The following DCC variants were observed in gnomAD, a reference collection of about 807,000 sequenced individuals.
The protein encoded by DCC is netrin receptor DCC.
A neutral mutation model predicts 172.5 loss-of-function variants in DCC; 58 were observed. The ratio of observed to expected loss-of-function variants is 0.34; its 90% CI spans 0.27 to 0.42. DCC has a LOEUF of 0.42. Among genes scored for constraint, DCC ranks in the 10% least tolerant of loss-of-function variants. The pLI is 1.00. For synonymous variants in DCC, 709 were observed against 644.5 expected, an observed-to-expected ratio of 1.10 and a Z score of -1.52; for missense variants, 1,740 against 1,791.0, an observed-to-expected ratio of 0.97 and a Z score of 0.51.
In DCC at chr18:53,300,425, TG is replaced by T. The variant is rs926819334; in HGVS notation, c.1912-5151del. 9.8e-5 allele frequency among the ~76,000 whole-genome samples: 15 copies of T among 152,300 alleles called. No homozygotes were observed. The South Asian group carries it at 2.7e-3, about 27-fold the overall frequency. On this transcript the variant is annotated intron_variant, in intron 12 of 28. Coordinates refer to ENST00000442544, the MANE Select transcript of DCC (RefSeq NM_005215.4). ...CATGTTTTTTGTATTTCTGTGCTTTTGGTTGGTGATTTTTCTGTTTAAAATG... is the reference window on the plus strand; with the variant it reads ...CATGTTTTTTGTATTTCTGTGCTTTTGTTGGTGATTTTTCTGTTTAAAATG...
intron 13 of DCC, 97 bp from the exon 14 acceptor site, chr18:53,321,950 C>T (rs2057416122): frequency 1.3e-6 from 1 of 777,952 alleles, no homozygotes; most frequent in Non-Finnish European, 2.4e-6. Context: ...AAAGCATGTC[C>T]ACTATTGTTA....
intron 11 of DCC, among the ~76,000 whole-genome samples, chr18:53,214,434 T>C (rs567839469): frequency 2.0e-5 from 3 of 152,302 alleles, no homozygotes; most frequent in African/African-American, 7.2e-5. Context: ...GTCTTCATGA[T>C]AATTACTATT....
chr18:52,779,170 T>TA (rs2037487102), intron 2 of DCC, among the ~76,000 whole-genome samples: 2 of 152,180 alleles, frequency 1.3e-5, no homozygotes, highest in South Asian at 2.1e-4. Flanking sequence ...TCTTTTTTTT[T>TA]ATACTTTAAG....
intron 1 of DCC, among the ~76,000 whole-genome samples, chr18:52,382,562 G>T (rs1381051427): frequency 6.6e-6 from 1 of 152,124 alleles, no homozygotes; most frequent in South Asian, 2.1e-4. Context: ...AAGTATTTGG[G>T]CTAGAAAGTT....
intron 22 of DCC, among the ~76,000 whole-genome samples, chr18:53,448,244 A>G (rs1912755834): frequency 1.3e-5 from 2 of 152,272 alleles, no homozygotes; most frequent in South Asian, 4.1e-4. Flanking sequence ...TGGGTAATTT[A>G]TAAAGGAAAG....
At chr18:52,710,942 G>A (rs1264967047) in intron 1 of DCC, among the ~76,000 whole-genome samples, 2 of 152,170 alleles carry the variant, frequency 1.3e-5, no homozygotes, top group Non-Finnish European at 2.9e-5. Flanking sequence ...GATGCTGACT[G>A]GGAATTAAGG....
chr18:53,435,121 T>G, intron 21 of DCC, 23 bp from the exon 22 acceptor site: 1 of 1,563,564 alleles, frequency 6.4e-7, no homozygotes, highest in Non-Finnish European at 8.8e-7. Flanking sequence ...ACTGACATTG[T>G]GACATGCTCT....
intron 2 of DCC, among the ~76,000 whole-genome samples, chr18:52,804,229 A>T (rs934343366): frequency 1.4e-4 from 18 of 130,294 alleles, no homozygotes; most frequent in African/African-American, 4.6e-4. Context: ...TACATTCTTC[A>T]TCTTATTTAG....
At chr18:52,741,799 A>T (rs1038078532) in intron 1 of DCC, among the ~76,000 whole-genome samples, 1 of 152,012 alleles carries the variant, frequency 6.6e-6, no homozygotes, top group African/African-American at 2.4e-5. Context: ...TGGGTGCCTT[A>T]GCATCCTCTG....
intron 1 of DCC, among the ~76,000 whole-genome samples, chr18:52,425,690 G>T (rs1987400756): frequency 6.6e-6 from 1 of 152,078 alleles, no homozygotes; most frequent in South Asian, 2.1e-4. Context: ...AAAACATTTT[G>T]GGACTTGGAG....
At position 52,487,775 on chromosome 18, in the gene DCC, C is replaced by A. The variant is rs560388496; in HGVS notation, c.91+146897C>A. On this transcript the variant is annotated intron_variant, in intron 1 of 28. Coordinates refer to ENST00000442544, the MANE Select transcript of DCC (RefSeq NM_005215.4). ...GCAATGAGTTTAGATTGTGCCGCTGCACTCCAGTCTGGGTGACAGAGTGAG... is the reference window on the plus strand; with the variant it reads ...GCAATGAGTTTAGATTGTGCCGCTGAACTCCAGTCTGGGTGACAGAGTGAG... Among the ~76,000 whole-genome samples, 20 of 131,362 alleles carry A rather than the reference C, an allele frequency of 1.5e-4. No individual in the cohort carries two copies. The South Asian group carries it at 5.1e-3, about 33-fold the overall frequency. 86.2% of individuals were successfully genotyped at this position (131,362 alleles called of 152,430 possible).
intron 7 of DCC, among the ~76,000 whole-genome samples, chr18:53,136,895 C>T (rs1428031643): frequency 6.6e-6 from 1 of 152,182 alleles, no homozygotes; most frequent in Non-Finnish European, 1.5e-5. Context: ...GCAGGAACTT[C>T]ATATTTCTCA....
intron 2 of DCC, among the ~76,000 whole-genome samples, chr18:52,785,080 C>T (rs927944746): frequency 6.6e-6 from 1 of 151,972 alleles, no homozygotes; most frequent in Non-Finnish European, 1.5e-5. Flanking sequence ...ACGAGGTTTA[C>T]ATAGTGCACA....
intron 2 of DCC, among the ~76,000 whole-genome samples, chr18:52,868,098 T>C (rs2039259263): frequency 6.6e-6 from 1 of 151,206 alleles, no homozygotes; most frequent in African/African-American, 2.4e-5. Flanking sequence ...TGTATATATA[T>C]ATGTGTATAT....
At position 52,550,946 on chromosome 18, in the gene DCC, T is replaced by C. The variant is rs192924885; in HGVS notation, c.92-201108T>C. Among the ~76,000 whole-genome samples the C allele has an allele frequency of 2.5e-3, 374 of 152,128 alleles. 5 individuals are homozygous for C. The highest frequency in any genetic ancestry group is 0.014 in the South Asian group (70 of 4,832). The stretch of plus-strand genomic sequence containing the variant: ...TATTATTTTACTATTTTTAAAAGTT[T>C]ATTTTTAAAAAAATGAATGCTAATG... On this transcript the variant is annotated intron_variant, in intron 1 of 28. Transcript: ENST00000442544.
chr18:53,133,007 ATAAG>A (rs1215420312), intron 7 of DCC, among the ~76,000 whole-genome samples: 1 of 152,232 alleles, frequency 6.6e-6, no homozygotes, highest in Non-Finnish European at 1.5e-5. Flanking sequence ...TCATCAAACC[ATAAG>A]TAAGAATCTT....
At chr18:53,115,400 G>GGTGT (rs146534238) in intron 7 of DCC, among the ~76,000 whole-genome samples, 6 of 150,858 alleles carry the variant, frequency 4.0e-5, no homozygotes, top group African/African-American at 1.2e-4. Flanking sequence ...TTAAAGTTGG[G>GGTGT]GTGTGTGTGT....
At chr18:53,279,412 C>A (rs1419928085) in intron 12 of DCC, among the ~76,000 whole-genome samples, 2 of 147,686 alleles carry the variant, frequency 1.4e-5, no homozygotes, top group Non-Finnish European at 3.0e-5. Flanking sequence ...AAACCAAATA[C>A]CGCATGTTTT....
chr18:52,878,463 C>T (rs1401786383), intron 2 of DCC, among the ~76,000 whole-genome samples: 1 of 152,134 alleles, frequency 6.6e-6, no homozygotes, highest in Non-Finnish European at 1.5e-5. Context: ...CAAATCACCA[C>T]CTACATGCAG....
Sources: gnomAD v4.1 joint callset for allele counts (sites outside exome capture counted in the v4.1 genomes callset) on GRCh38, gnomAD v4.1.1 for gene constraint, MANE v1.5 for transcripts, NCBI Gene and HGNC (gene_info 2026-07-23, HGNC 2026-07-21) for gene names.